The following PGR variants were observed in gnomAD, a reference collection of about 807,000 sequenced individuals.
PGR encodes the protein nuclear receptor subfamily 3 group C member 3.
A neutral mutation model predicts 76.1 loss-of-function variants in PGR; 25 were observed. The ratio of observed to expected loss-of-function variants is 0.33; its 90% CI spans 0.24 to 0.46. The LOEUF (loss-of-function observed/expected upper bound fraction) is 0.46, where lower values mean the gene tolerates loss of function less well. Among genes scored for constraint, PGR ranks in the 20% least tolerant of loss-of-function variants. PGR has a pLI of 1.00. For missense variants in PGR, 1,172 were observed against 1,225.3 expected (o/e 0.96, Z 0.65); for synonymous variants, 579 against 535.0 (o/e 1.08, Z -1.14).
intron 2 of PGR, among the ~76,000 whole-genome samples, chr11:101,100,486 T>A (rs974453619): frequency 6.6e-6 from 1 of 152,142 alleles, no homozygotes; most frequent in African/African-American, 2.4e-5. Flanking sequence ...GGAATGAGAT[T>A]GTTCTTCTGA....
rs762965993 is a variant in PGR at position 101,128,887 on chromosome 11, G to A, written c.184C>T (p.Arg62Trp). Residue 62 changes from arginine to tryptophan, a missense_variant, in exon 1 of 8, where the codon CGG becomes TGG. Coordinates refer to ENST00000325455, the MANE Select transcript of PGR (RefSeq NM_000926.4). ...GAGGGGTCCTGTCCCTGGCAGGGCC[G>A]AGGGAAGAGTAGCCCGTCCAGGGAG... ...PISLDGLLFP[R>W]PCQGQDPSDE... 7 of 1,614,028 alleles carry A rather than the reference G, an allele frequency of 4.3e-6. No homozygotes were observed. The highest frequency in any genetic ancestry group is 5.9e-6 in the Non-Finnish European group (7 of 1,179,988).
chr11:101,077,518 A>G (rs978343850), intron 3 of PGR, among the ~76,000 whole-genome samples: 4 of 152,204 alleles, frequency 2.6e-5, no homozygotes, highest in African/African-American at 7.2e-5. Context: ...TCATTCAAAT[A>G]AAGTCAACTA....
At position 101,128,519 on chromosome 11, in the gene PGR, C is replaced by A; in HGVS notation, c.552G>T (p.Val184=). The change falls in exon 1 of 8, where the codon GTG becomes GTT. Residue 184 remains valine, a synonymous_variant. Transcript: ENST00000325455. The part of the protein sequence containing the change: ...DSSGTAAAHK[V]LPRGLSPARQ... ...GGGCTGGTGACAGGCCCCGGGGCAG[C>A]ACTTTATGGGCAGCTGCCGTCCCGG... 6.2e-7 allele frequency: 1 copy of A among 1,602,536 alleles called. No individual in the cohort carries two copies. Among genetic ancestry groups the A allele is most frequent in the Non-Finnish European group, 8.5e-7 (1 of 1,177,760 alleles).
At position 101,044,220 on chromosome 11, in the gene PGR, G is replaced by A. The variant is rs7116427; in HGVS notation, c.2489-2118C>T. On this transcript the variant is annotated intron_variant, in intron 6 of 7. Transcript: ENST00000325455. The stretch of plus-strand genomic sequence containing the variant: ...TAGATCTTCTGGGTAACTTGCTGCA[G>A]CTTCTGCATCAGCACTTGCTGCTTC... 3.9e-3 allele frequency among the ~76,000 whole-genome samples: 596 copies of A among 152,318 alleles called. 8 individuals are homozygous for A. Among genetic ancestry groups the A allele is most frequent in the African/African-American group, 0.013 (548 of 41,578 alleles).
chr11:101,077,102 A>G (rs1225402534), intron 3 of PGR, among the ~76,000 whole-genome samples: 2 of 151,530 alleles, frequency 1.3e-5, no homozygotes, highest in African/African-American at 2.4e-5. Context: ...TAGTGTTTGT[A>G]TTCCCATCCT....
intron 2 of PGR, among the ~76,000 whole-genome samples, chr11:101,115,665 G>T (rs1228996690): frequency 6.6e-6 from 1 of 152,082 alleles, no homozygotes; most frequent in Non-Finnish European, 1.5e-5. Context: ...CAGCTACTCG[G>T]GAGGCTGAGG....
At chr11:101,085,577 CAGA>C in intron 3 of PGR, among the ~76,000 whole-genome samples, 1 of 117,076 alleles carries the variant, frequency 8.5e-6, no homozygotes, top group East Asian at 2.5e-4. Flanking sequence ...CTAAAGCTAG[CAGA>C]AGAAAAGGAC....
chr11:101,042,183 A>G (rs1185789153), intron 6 of PGR, 81 bp from the exon 7 acceptor site: 1 of 1,435,446 alleles, frequency 7.0e-7, no homozygotes, highest in African/African-American at 1.4e-5. Flanking sequence ...TCTGAGCTAT[A>G]TAATGATTTC....
chr11:101,072,412 G>A (rs1860971641), intron 3 of PGR, among the ~76,000 whole-genome samples: 1 of 152,122 alleles, frequency 6.6e-6, no homozygotes, highest in Non-Finnish European at 1.5e-5. Flanking sequence ...GGAAGAAACT[G>A]CATCAACTAA....
chr11:101,109,166 C>G (rs892800263), intron 2 of PGR, among the ~76,000 whole-genome samples: 2 of 152,136 alleles, frequency 1.3e-5, no homozygotes, highest in Admixed American at 6.5e-5. Flanking sequence ...CCCTGTGTCA[C>G]AACAATATTG....
chr11:101,083,194 G>T (rs983547941), intron 3 of PGR, among the ~76,000 whole-genome samples: 2 of 152,242 alleles, frequency 1.3e-5, no homozygotes, highest in African/African-American at 2.4e-5. Context: ...AGCCCTGGTG[G>T]CTTCCACATG....
chr11:101,071,526 C>T (rs887693056), intron 3 of PGR, among the ~76,000 whole-genome samples: 2 of 151,798 alleles, frequency 1.3e-5, no homozygotes, highest in African/African-American at 4.8e-5. Context: ...TGACAAACTC[C>T]TCTGAGTTAA....
rs551357615 is a variant in PGR at position 101,032,117 on chromosome 11, A to C, written c.*6999T>G. ...TTCAACACATAAGCAAAATAATTAG[A>C]CATCTGGCCTTGTGTTTGACAATTT... On this transcript the variant is annotated 3_prime_UTR_variant, in exon 8 of 8. Transcript: ENST00000325455. The C allele has an allele frequency of 3.4e-5, 8 of 232,932 alleles. No homozygotes were observed. In the South Asian group the frequency reaches 5.4e-4, roughly 16 times the overall value. The allele number at this position is 232,932 out of a possible 1,614,324, so 14.4% of individuals were successfully genotyped here. A position where few individuals can be genotyped will look rare whatever the true frequency, so the allele number is the denominator to read the frequency against.
intron 2 of PGR, among the ~76,000 whole-genome samples, chr11:101,125,407 A>C (rs1862806976): frequency 6.6e-6 from 1 of 152,176 alleles, no homozygotes; most frequent in Admixed American, 6.5e-5. Context: ...TTTATTTTAA[A>C]CTGTTTAATC....
chr11:101,083,700 A>G (rs112235909), intron 3 of PGR, among the ~76,000 whole-genome samples: 4 of 152,302 alleles, frequency 2.6e-5, no homozygotes, highest in African/African-American at 9.6e-5. Context: ...TGGGGCCTGT[A>G]TCTCCTTTGT....
intron 3 of PGR, among the ~76,000 whole-genome samples, chr11:101,088,200 A>G (rs1038847631): frequency 3.3e-5 from 5 of 150,246 alleles, no homozygotes; most frequent in Non-Finnish European, 3.0e-5. Flanking sequence ...TCTGTCTCAA[A>G]AAAGAAAACT....
intron 2 of PGR, among the ~76,000 whole-genome samples, chr11:101,097,831 C>A (rs933412243): frequency 1.4e-5 from 2 of 145,418 alleles, no homozygotes; most frequent in Admixed American, 7.1e-5. Context: ...GGCTGGAGTG[C>A]GGTGGAGCCA....
At chr11:101,071,010 C>A (rs1565343609) in intron 3 of PGR, among the ~76,000 whole-genome samples, 1 of 152,174 alleles carries the variant, frequency 6.6e-6, no homozygotes, top group Non-Finnish European at 1.5e-5. Flanking sequence ...GTCCCTGACC[C>A]CTGTGCCTCC....
chr11:101,051,611 G>A (rs185054032), intron 4 of PGR, 43 bp from the exon 5 acceptor site: 102 of 1,417,018 alleles, frequency 7.2e-5, no homozygotes, highest in Admixed American at 6.0e-4. Context: ...AAAAATGACT[G>A]AATTATCTCA....
Sources: allele counts gnomAD v4.1 joint callset (sites outside exome capture counted in the v4.1 genomes callset), GRCh38; gene constraint gnomAD v4.1.1; transcripts MANE v1.5; gene names NCBI Gene and HGNC (gene_info 2026-07-23, HGNC 2026-07-21).